The following ALK variants were observed in gnomAD, a reference collection of about 807,000 sequenced individuals.
The protein encoded by ALK is ALK tyrosine kinase receptor.
ALK carries 74 observed loss-of-function variants against 163.1 expected under a neutral mutation model. The ratio of observed to expected loss-of-function variants is 0.45; its 90% CI spans 0.38 to 0.55. ALK has a LOEUF of 0.55. ALK is among the 20% of genes least tolerant of loss of function. The probability of loss-of-function intolerance (pLI) is 0.00; values close to 1 mark genes in which losing one functional copy is unlikely to be tolerated. For missense variants in ALK, 2,063 were observed against 2,105.3 expected (o/e 0.98, Z 0.39); for synonymous variants, 960 against 843.2 (o/e 1.14, Z -2.40).
At chr2:29,545,177 T>C (rs1489056864) in intron 3 of ALK, among the ~76,000 whole-genome samples, 1 of 152,222 alleles carries the variant, frequency 6.6e-6, no homozygotes, top group Non-Finnish European at 1.5e-5. Context: ...GGTCACAGAC[T>C]AACGCATGGG....
At chr2:29,880,981 G>C (rs1432120256) in intron 1 of ALK, among the ~76,000 whole-genome samples, 1 of 152,176 alleles carries the variant, frequency 6.6e-6, no homozygotes. Flanking sequence ...ACAGAGAAAG[G>C]AGCCAAGGGT....
intron 3 of ALK, among the ~76,000 whole-genome samples, chr2:29,649,319 C>A (rs1573527214): frequency 6.6e-6 from 1 of 151,720 alleles, no homozygotes; most frequent in Admixed American, 6.6e-5. Flanking sequence ...GACTCTGAGA[C>A]CCTCACCCCA....
At chr2:29,856,597 C>A (rs1408121336) in intron 1 of ALK, among the ~76,000 whole-genome samples, 4 of 152,232 alleles carry the variant, frequency 2.6e-5, no homozygotes, top group African/African-American at 9.7e-5. Context: ...ACTCCACCAA[C>A]AGGCTGCTTT....
At chr2:29,215,293 G>C (rs964449225) in intron 23 of ALK, among the ~76,000 whole-genome samples, 1 of 152,204 alleles carries the variant, frequency 6.6e-6, no homozygotes, top group African/African-American at 2.4e-5. Context: ...GGCTTAGCCT[G>C]CTGGAGGTTT....
At chr2:29,536,206 T>A (rs1673251409) in intron 3 of ALK, among the ~76,000 whole-genome samples, 1 of 152,204 alleles carries the variant, frequency 6.6e-6, no homozygotes, top group African/African-American at 2.4e-5. Context: ...CATGTTCAAA[T>A]ATGATTCCCA....
At chr2:29,501,670 T>C (rs1391884698) in intron 4 of ALK, among the ~76,000 whole-genome samples, 1 of 151,390 alleles carries the variant, frequency 6.6e-6, no homozygotes, top group African/African-American at 2.4e-5. Flanking sequence ...TTTGAAAACA[T>C]TTTTTTTTAT....
At chr2:29,451,673 G>A (rs543750737) in intron 4 of ALK, among the ~76,000 whole-genome samples, 1 of 152,224 alleles carries the variant, frequency 6.6e-6, no homozygotes, top group Non-Finnish European at 1.5e-5. Context: ...ATCCAAATCC[G>A]ACAGCAATTT....
At chr2:29,482,928 C>T (rs963222522) in intron 4 of ALK, among the ~76,000 whole-genome samples, 4 of 152,130 alleles carry the variant, frequency 2.6e-5, no homozygotes, top group African/African-American at 9.7e-5. Context: ...GTGCCAATGG[C>T]AGCATGCTTT....
intron 1 of ALK, among the ~76,000 whole-genome samples, chr2:29,882,163 A>C (rs1255783081): frequency 1.3e-5 from 2 of 152,218 alleles, no homozygotes; most frequent in Non-Finnish European, 1.5e-5. Flanking sequence ...GAGAGCATCG[A>C]TGTCCCCTCA....
At chr2:29,740,697 C>T (rs1241821403) in intron 1 of ALK, among the ~76,000 whole-genome samples, 5 of 152,080 alleles carry the variant, frequency 3.3e-5, no homozygotes, top group South Asian at 2.1e-4. Context: ...TATCATTCAG[C>T]GCTCAAAAGA....
At chr2:29,555,708 A>G (rs767755848) in intron 3 of ALK, among the ~76,000 whole-genome samples, 3 of 152,226 alleles carry the variant, frequency 2.0e-5, no homozygotes, top group Non-Finnish European at 4.4e-5. Context: ...TACAGCTGGT[A>G]TCTTGCATCT....
chr2:29,265,720 G>C (rs1665205040), intron 11 of ALK, among the ~76,000 whole-genome samples: 1 of 152,194 alleles, frequency 6.6e-6, no homozygotes, highest in South Asian at 2.1e-4. Flanking sequence ...GGGCGTGGTG[G>C]CTCATGCCTG....
chr2:29,712,082 A>T (rs1258417306), intron 2 of ALK, among the ~76,000 whole-genome samples: 1 of 152,186 alleles, frequency 6.6e-6, no homozygotes, highest in Non-Finnish European at 1.5e-5. Context: ...GAGCATTTTA[A>T]ACATGTCTCT....
In ALK at chr2:29,636,268, G is replaced by A. The variant is rs367575709; in HGVS notation, c.952+58582C>T. Among the ~76,000 whole-genome samples the A allele has an allele frequency of 1.9e-3, 290 of 151,854 alleles. 13 individuals are homozygous for A. In the South Asian group the frequency reaches 0.058, roughly 30 times the overall value. On this transcript the variant is annotated intron_variant, in intron 3 of 28. Transcript: ENST00000389048. ...GTACAAAAACAGCTCAATAGAGGAAGGATAGGCTTGCAACAAATAATAAAT... is the reference window on the plus strand; with the variant it reads ...GTACAAAAACAGCTCAATAGAGGAAAGATAGGCTTGCAACAAATAATAAAT...
intron 4 of ALK, among the ~76,000 whole-genome samples, chr2:29,408,062 A>G (rs1669631304): frequency 6.6e-6 from 1 of 151,640 alleles, no homozygotes; most frequent in African/African-American, 2.4e-5. Flanking sequence ...CTTATAGGCA[A>G]AGGTACTCAG....
At chr2:29,790,781 A>T (rs1310652491) in intron 1 of ALK, among the ~76,000 whole-genome samples, 2 of 152,120 alleles carry the variant, frequency 1.3e-5, no homozygotes, top group Non-Finnish European at 2.9e-5. Flanking sequence ...ATGAGGTTTC[A>T]CCATGTTGGC....
chr2:29,548,069 T>C (rs1265753519), intron 3 of ALK, among the ~76,000 whole-genome samples: 1 of 152,216 alleles, frequency 6.6e-6, no homozygotes, highest in Admixed American at 6.5e-5. Context: ...TTCCCCTTTC[T>C]GCTTCTTTCT....
At chr2:29,533,303 T>A (rs1673167803) in intron 3 of ALK, among the ~76,000 whole-genome samples, 1 of 152,180 alleles carries the variant, frequency 6.6e-6, no homozygotes, top group African/African-American at 2.4e-5. Flanking sequence ...AATGTTCTTA[T>A]CATGGGCACA....
chr2:29,755,292 G>A (rs1323783105), intron 1 of ALK, among the ~76,000 whole-genome samples: 2 of 152,194 alleles, frequency 1.3e-5, no homozygotes, highest in African/African-American at 4.8e-5. Flanking sequence ...CCTGTGTGAG[G>A]GCCTGTGCTG....
Sources: gnomAD v4.1 joint callset for allele counts (sites outside exome capture counted in the v4.1 genomes callset) on GRCh38, gnomAD v4.1.1 for gene constraint, MANE v1.5 for transcripts, NCBI Gene and HGNC (gene_info 2026-07-23, HGNC 2026-07-21) for gene names.